Variants in ZZEF1 observed in about 807,000 individuals in gnomAD.
ZZEF1 encodes the protein zinc finger ZZ-type and EF-hand domain-containing protein 1.
In ZZEF1, 157 loss-of-function variants were observed where a neutral mutation model predicts 342.8. The observed-to-expected ratio is 0.46, with a 90% confidence interval of 0.40 to 0.52. ZZEF1 has a LOEUF of 0.52. Among genes scored for constraint, ZZEF1 ranks in the 20% least tolerant of loss-of-function variants. The pLI, the probability that ZZEF1 is intolerant of heterozygous loss-of-function variation, is 0.00. For synonymous variants in ZZEF1, 1,505 were observed against 1,429.1 expected (o/e 1.05, Z -1.20); for missense variants, 3,480 against 3,725.6 (o/e 0.93, Z 1.72).
At chr17:4,130,605 A>G (rs1425464484) in intron 1 of ZZEF1, among the ~76,000 whole-genome samples, 3 of 152,172 alleles carry the variant, frequency 2.0e-5, no homozygotes, top group African/African-American at 7.2e-5. Context: ...CGGGAGAGAA[A>G]AGCCAGGAAA....
chr17:4,126,623 G>A (rs916031656), intron 1 of ZZEF1, among the ~76,000 whole-genome samples: 1 of 152,204 alleles, frequency 6.6e-6, no homozygotes, highest in African/African-American at 2.4e-5. Flanking sequence ...AACAGGTGCT[G>A]TGGAAAGTGG....
chr17:4,055,488 T>C lies in ZZEF1; in HGVS notation c.5295+728A>G, dbSNP rs182748524. On this transcript the variant is annotated intron_variant, in intron 33 of 54. Coordinates refer to ENST00000381638, the MANE Select transcript of ZZEF1 (RefSeq NM_015113.4). ...CCTGAGCCTTTGCACATCTGAATCA[T>C]GCAGCTCTGATGCCCTCTCTATACA... is the stretch of plus-strand genomic sequence containing the variant. 5.3e-5 allele frequency among the ~76,000 whole-genome samples: 8 copies of C among 152,310 alleles called. No homozygotes were observed. The East Asian group carries it at 9.7e-4, about 18-fold the overall frequency.
In ZZEF1 at chr17:4,076,690, G is replaced by A. The variant is rs772354795; in HGVS notation, c.3181C>T (p.Leu1061Phe). The change falls in exon 21 of 55, where the codon CTC becomes TTC. Residue 1061 changes from leucine (L) to phenylalanine (F), a missense_variant. Physicochemically the swap from Leu to Phe is conservative, Grantham distance 22. Around this residue, in one of 5 missense-constraint regions of ZZEF1, gnomAD observed 1,528 missense variants for 1,624.1 expected, o/e 0.94. Coordinates refer to ENST00000381638, the MANE Select transcript of ZZEF1 (RefSeq NM_015113.4). ...CAGAGCTTCTTCAGGAGTTCTGTGAGGACGCTGAACTCTCTCAAGAGCACG... is the reference window on the plus strand; with the variant it reads ...CAGAGCTTCTTCAGGAGTTCTGTGAAGACGCTGAACTCTCTCAAGAGCACG... The part of the protein sequence containing the change: ...HCVLLREFSV[L>F]TELLKKLCSG... The A allele has an allele frequency of 2.3e-5, 37 of 1,613,150 alleles. No individual in the cohort carries two copies. Among genetic ancestry groups the A allele is most frequent in the South Asian group, 1.6e-4 (15 of 91,060 alleles).
At position 4,049,704 on chromosome 17, in the gene ZZEF1, T is replaced by C. The variant is rs2057003369; in HGVS notation, c.6015+4A>G. ...ATTCTGTGTAGTAAAGAATCGTCAT[T>C]TACATTGCCTGCTTCTGACAGCTCA... On this transcript the variant is annotated splice_donor_region_variant and intron_variant, in intron 37 of 54. Transcript: ENST00000381638. The C allele has an allele frequency of 4.3e-6, 7 of 1,613,938 alleles. No homozygotes were observed. The highest frequency in any genetic ancestry group is 5.9e-6 in the Non-Finnish European group (7 of 1,179,950).
chr17:4,132,942 G>T (rs944826176), intron 1 of ZZEF1, among the ~76,000 whole-genome samples: 47 of 152,064 alleles, frequency 3.1e-4, no homozygotes, highest in African/African-American at 1.1e-3. Context: ...GTCCAGCCTG[G>T]GCGACAGAGC....
chr17:4,077,805 T>C, intron 19 of ZZEF1, 78 bp downstream of exon 19: 2 of 1,489,674 alleles, frequency 1.3e-6, no homozygotes, highest in Non-Finnish European at 1.8e-6. Flanking sequence ...ACTCATTGCA[T>C]GAGTTACTAA....
chr17:4,109,033 A>G (rs2058254370), intron 6 of ZZEF1, among the ~76,000 whole-genome samples: 1 of 152,216 alleles, frequency 6.6e-6, no homozygotes, highest in Non-Finnish European at 1.5e-5. Context: ...TATTTGTCTT[A>G]TATGTTACTA....
rs775493681 is a variant in ZZEF1 at position 4,034,259 on chromosome 17, C to A, written c.6340G>T (p.Val2114Phe). ...PTVPLIDLEH[V>F]LPLMFQVVIS... Reference sequence around the variant, plus strand: ...ACAACCTGAAACATGAGTGGAAGGACGTGCTCCAGGTCTATCAGGGGAACC... The same window carrying A: ...ACAACCTGAAACATGAGTGGAAGGAAGTGCTCCAGGTCTATCAGGGGAACC... Residue 2114 changes from valine (V) to phenylalanine (F), a missense_variant, in exon 40 of 55, where the codon GTC becomes TTC. By Grantham distance (50) the Val-to-Phe change is conservative (BLOSUM62 -1). Around this residue, in one of 5 missense-constraint regions of ZZEF1, gnomAD observed 1,269 missense variants for 1,342.4 expected, o/e 0.95. Coordinates refer to ENST00000381638, the MANE Select transcript of ZZEF1 (RefSeq NM_015113.4). The A allele has an allele frequency of 6.2e-7, 1 of 1,614,174 alleles. No homozygotes were observed. The highest frequency in any genetic ancestry group is 8.5e-7 in the Non-Finnish European group (1 of 1,180,032).
chr17:4,049,247 C>T (rs2056992675), intron 37 of ZZEF1, among the ~76,000 whole-genome samples: 1 of 152,176 alleles, frequency 6.6e-6, no homozygotes, highest in Non-Finnish European at 1.5e-5. Flanking sequence ...TGCAGTGGCT[C>T]ATGCCTGTAA....
chr17:4,030,695 C>G (rs2056523009), intron 42 of ZZEF1, among the ~76,000 whole-genome samples: 1 of 152,186 alleles, frequency 6.6e-6, no homozygotes, highest in African/African-American at 2.4e-5. Flanking sequence ...GGGGTCTCTA[C>G]AAAGTGCTGG....
intron 1 of ZZEF1, among the ~76,000 whole-genome samples, chr17:4,127,950 A>T (rs995297150): frequency 1.3e-5 from 2 of 152,226 alleles, no homozygotes; most frequent in African/African-American, 4.8e-5. Context: ...GACAAGCCAG[A>T]CACAAAGAGC....
chr17:4,095,045 A>G (rs1278424759), intron 11 of ZZEF1, among the ~76,000 whole-genome samples: 2 of 152,190 alleles, frequency 1.3e-5, no homozygotes, highest in Non-Finnish European at 2.9e-5. Context: ...AAACAGAGAC[A>G]AAGCCCTGAA....
intron 39 of ZZEF1, among the ~76,000 whole-genome samples, chr17:4,037,868 C>G (rs1398399684): frequency 1.3e-5 from 2 of 152,206 alleles, no homozygotes; most frequent in African/African-American, 4.8e-5. Context: ...AGATTCAAGG[C>G]ACTGTGCCTG....
intron 33 of ZZEF1, 125 bp downstream of exon 33, chr17:4,056,091 C>A: frequency 9.2e-7 from 1 of 1,091,416 alleles, no homozygotes; most frequent in African/African-American, 1.6e-5. Context: ...GGGACCCCTT[C>A]ACTAGGGTAT....
At chr17:4,034,823 C>A (rs2056625874) in intron 39 of ZZEF1, among the ~76,000 whole-genome samples, 2 of 152,014 alleles carry the variant, frequency 1.3e-5, no homozygotes, top group Admixed American at 6.6e-5. Context: ...ATAGTGAGAC[C>A]CTGTATCTAC....
chr17:4,129,978 C>A (rs2058637587), intron 1 of ZZEF1, among the ~76,000 whole-genome samples: 1 of 151,998 alleles, frequency 6.6e-6, no homozygotes, highest in Non-Finnish European at 1.5e-5. Flanking sequence ...CTCGAGAACA[C>A]AAAGAAGAAA....
intron 38 of ZZEF1, 59 bp from the exon 39 acceptor site, chr17:4,042,627 A>G (rs1443929145): frequency 1.5e-5 from 23 of 1,549,678 alleles, no homozygotes; most frequent in Non-Finnish European, 1.9e-5. Context: ...TGAAGAGGCA[A>G]GTAAACCACT....
chr17:4,080,045 T>TG (rs1222230208), intron 18 of ZZEF1, among the ~76,000 whole-genome samples: 1 of 152,200 alleles, frequency 6.6e-6, no homozygotes, highest in Non-Finnish European at 1.5e-5. Flanking sequence ...AGTACAGGGG[T>TG]GCTATCACTT....
At position 4,017,363 on chromosome 17, in the gene ZZEF1, A is replaced by G. The variant is rs368588029; in HGVS notation, c.8001+8T>C. 32 of 1,580,406 alleles carry G rather than the reference A, an allele frequency of 2.0e-5. No homozygotes were observed. The highest frequency in any genetic ancestry group is 2.6e-5 in the Non-Finnish European group (30 of 1,160,794). On this transcript the variant is annotated splice_region_variant and intron_variant, in intron 48 of 54. Coordinates refer to ENST00000381638, the MANE Select transcript of ZZEF1 (RefSeq NM_015113.4). This position sits in a 1 kb window ranked among gnomAD's most constrained non-coding sequence, Gnocchi z 5.1. ...GTGGGTGAGCACAAGCTCAGTCTGC[A>G]TAACTACCTTCTCCCACTCATGCTT...
Sources: allele counts gnomAD v4.1 joint callset (sites outside exome capture counted in the v4.1 genomes callset), GRCh38; gene constraint gnomAD v4.1.1; regional missense constraint gnomAD v4.1.1; non-coding constraint Gnocchi (gnomAD v3.1); transcripts MANE v1.5; gene names NCBI Gene and HGNC (gene_info 2026-07-23, HGNC 2026-07-21).